The following PARP8 variants were observed in gnomAD, a reference collection of about 807,000 sequenced individuals.
PARP8 encodes the protein protein mono-ADP-ribosyltransferase PARP8.
PARP8 carries 51 observed loss-of-function variants against 124.1 expected under a neutral mutation model. The ratio of observed to expected loss-of-function variants is 0.41; its 90% CI spans 0.33 to 0.52. PARP8 has a LOEUF of 0.52. Among genes scored for constraint, PARP8 ranks in the 20% least tolerant of loss-of-function variants. The pLI is 0.21. For synonymous variants in PARP8, 391 were observed against 361.5 expected (o/e 1.08, Z -0.93); for missense variants, 860 against 1,018.9 (o/e 0.84, Z 2.12).
chr5:50,780,423 C>T (rs1397289355), intron 9 of PARP8, among the ~76,000 whole-genome samples: 3 of 152,184 alleles, frequency 2.0e-5, no homozygotes, highest in African/African-American at 4.8e-5. Context: ...CTCACCCAAA[C>T]CCCATCTGTA....
chr5:50,669,303 A>G (rs1192163142), intron 2 of PARP8: 2 of 152,250 alleles, frequency 1.3e-5, no homozygotes, highest in African/African-American at 4.8e-5. Context: ...TAATAATTCA[A>G]TGAGAGGAGA....
At chr5:50,791,064 C>G (rs1435799881) in intron 10 of PARP8, among the ~76,000 whole-genome samples, 1 of 151,946 alleles carries the variant, frequency 6.6e-6, no homozygotes, top group Non-Finnish European at 1.5e-5. Context: ...AAACATACAG[C>G]AAGTTAGGAA....
At position 50,845,740 on chromosome 5, in the gene PARP8, A is replaced by G. The variant is rs931074917; in HGVS notation, c.*3672A>G. On this transcript the variant is annotated 3_prime_UTR_variant, in exon 26 of 26. Coordinates refer to ENST00000281631, the MANE Select transcript of PARP8 (RefSeq NM_024615.4). Reference sequence around the variant, plus strand: ...AATTAATTAGTCTATTTTGAGATTGATTTTCTACGTGGGCCAATTTTATGT... The same window carrying G: ...AATTAATTAGTCTATTTTGAGATTGGTTTTCTACGTGGGCCAATTTTATGT... 5.9e-5 allele frequency: 9 copies of G among 151,638 alleles called. No homozygotes were observed. 9.4% of individuals were successfully genotyped at this position (151,638 alleles called of 1,614,324 possible). A position where few individuals can be genotyped will look rare whatever the true frequency, so the allele number is the denominator to read the frequency against.
At chr5:50,830,571 T>C (rs1746841926) in intron 22 of PARP8, among the ~76,000 whole-genome samples, 1 of 152,216 alleles carries the variant, frequency 6.6e-6, no homozygotes, top group Non-Finnish European at 1.5e-5. Context: ...TTCTTTGCAC[T>C]TAAAAAATTT....
Position 50,778,146 on chromosome 5 carries a change from T to G in PARP8, c.579+17T>G. ...TTTCTTGATGTAAGTATCAATTTTA[T>G]GTAATATGAATGGTGCATTTAAAAT... On this transcript the variant is annotated intron_variant, in intron 8 of 25. Transcript: ENST00000281631. The G allele has an allele frequency of 6.5e-7, 1 of 1,532,560 alleles. No individual in the cohort carries two copies. Among genetic ancestry groups the G allele is most frequent in the Non-Finnish European group, 9.0e-7 (1 of 1,114,020 alleles). The allele number at this position is 1,532,560 out of a possible 1,614,324, so 94.9% of individuals were successfully genotyped here.
At chr5:50,763,944 T>A (rs896266138) in intron 7 of PARP8, among the ~76,000 whole-genome samples, 1 of 152,188 alleles carries the variant, frequency 6.6e-6, no homozygotes, top group Non-Finnish European at 1.5e-5. Flanking sequence ...GTCTGGCCCC[T>A]TTATGCTCCC....
intron 1 of PARP8, 97 bp downstream of exon 1, chr5:50,667,283 G>C (rs1749401130): frequency 7.8e-7 from 1 of 1,282,278 alleles, no homozygotes; most frequent in Non-Finnish European, 1.1e-6. Flanking sequence ...AGGGTTGCAC[G>C]TCCCCATTCT....
chr5:50,687,015 A>C (rs994874184), intron 2 of PARP8, among the ~76,000 whole-genome samples: 10 of 152,194 alleles, frequency 6.6e-5, no homozygotes, highest in African/African-American at 2.4e-4. Flanking sequence ...CTAGTTACTT[A>C]TGCAAATTTC....
chr5:50,834,927 A>T lies in PARP8; in HGVS notation c.2378-4A>T, dbSNP rs1472525998. 1.9e-6 allele frequency: 3 copies of T among 1,611,476 alleles called. No individual in the cohort carries two copies. In the South Asian group the frequency reaches 3.3e-5, roughly 18 times the overall value. ...GTTCTTTAATTTTATTTTCCACTTA[A>T]CAGTGATCACCTCATCTGACCTGCA... On this transcript the variant is annotated splice_polypyrimidine_tract_variant and splice_region_variant and intron_variant, in intron 24 of 25. Coordinates refer to ENST00000281631, the MANE Select transcript of PARP8 (RefSeq NM_024615.4).
At chr5:50,726,234 G>A (rs754946829) in intron 2 of PARP8, among the ~76,000 whole-genome samples, 7 of 151,938 alleles carry the variant, frequency 4.6e-5, no homozygotes, top group Non-Finnish European at 8.8e-5. Flanking sequence ...AAACTTGGGA[G>A]TCTGTTTCCT....
chr5:50,679,996 G>C (rs762940911), intron 2 of PARP8, among the ~76,000 whole-genome samples: 1 of 152,108 alleles, frequency 6.6e-6, no homozygotes, highest in African/African-American at 2.4e-5. Context: ...TAGAGAAGCC[G>C]TTAGAAAAAG....
chr5:50,705,662 G>C (rs746250362), intron 2 of PARP8, among the ~76,000 whole-genome samples: 41 of 152,054 alleles, frequency 2.7e-4, no homozygotes, highest in Non-Finnish European at 5.0e-4. Flanking sequence ...GCGTGCGCCT[G>C]TAATCCCAGC....
chr5:50,833,699 T>C (rs1422615400), intron 23 of PARP8, among the ~76,000 whole-genome samples: 1 of 152,188 alleles, frequency 6.6e-6, no homozygotes, highest in Non-Finnish European at 1.5e-5. Context: ...AAGCTTTTAG[T>C]AAAAATAAAT....
At position 50,843,277 on chromosome 5, in the gene PARP8, T is replaced by C. The variant is rs1326738926; in HGVS notation, c.*1209T>C. 6.6e-6 allele frequency: 1 copy of C among 151,776 alleles called. No homozygotes were observed. The highest frequency in any genetic ancestry group is 2.4e-5 in the African/African-American group (1 of 41,386). The allele number at this position is 151,776 out of a possible 1,614,324, so 9.4% of individuals were successfully genotyped here. ...ACAGTGTTTATTTTCCCACATGTTGTCTTTGGAATAAGGCCATTCATGAAA... is the reference window on the plus strand; with the variant it reads ...ACAGTGTTTATTTTCCCACATGTTGCCTTTGGAATAAGGCCATTCATGAAA... On this transcript the variant is annotated 3_prime_UTR_variant, in exon 26 of 26. Coordinates refer to ENST00000281631, the MANE Select transcript of PARP8 (RefSeq NM_024615.4).
chr5:50,831,383 G>C (rs1454484789), intron 22 of PARP8, among the ~76,000 whole-genome samples: 1 of 152,036 alleles, frequency 6.6e-6, no homozygotes, highest in Non-Finnish European at 1.5e-5. Flanking sequence ...GGCTGCGCTG[G>C]CAGGCCTGAG....
chr5:50,778,961 A>T (rs924414423), intron 9 of PARP8, among the ~76,000 whole-genome samples: 1 of 152,164 alleles, frequency 6.6e-6, no homozygotes, highest in African/African-American at 2.4e-5. Flanking sequence ...GGTTTTCCTT[A>T]GATATAATTA....
At chr5:50,667,344 G>C (rs1346490172) in intron 1 of PARP8, among the ~76,000 whole-genome samples, 158 bp downstream of exon 1, 7 of 152,176 alleles carry the variant, frequency 4.6e-5, no homozygotes, top group Admixed American at 1.3e-4. Flanking sequence ...CCAAAAGGGG[G>C]AGGGGGCGCC....
intron 11 of PARP8, 151 bp downstream of exon 11, chr5:50,794,483 CAT>C: frequency 3.5e-6 from 3 of 859,350 alleles, no homozygotes; most frequent in Non-Finnish European, 5.2e-6. Context: ...CCATCAAAAA[CAT>C]ATTCATTTCT....
rs567081314 is a variant in PARP8, at chr5:50,684,103, GAACAGTTTTGACT to G, written c.146+15984_146+15996del. 8.5e-3 allele frequency among the ~76,000 whole-genome samples: 1,301 copies of G among 152,206 alleles called. 19 individuals carry two copies. The highest frequency in any genetic ancestry group is 0.03 in the African/African-American group (1,244 of 41,528). On this transcript the variant is annotated intron_variant, in intron 2 of 25. Transcript: ENST00000281631. Reference sequence around the variant, plus strand: ...GGATTTTATTAAATAATATTTGAATGAACAGTTTTGACTAACAGCCTGAAAATATTAATCTTTC... The same window carrying G: ...GGATTTTATTAAATAATATTTGAATGAACAGCCTGAAAATATTAATCTTTC...
Sources: gnomAD v4.1 joint callset for allele counts (sites outside exome capture counted in the v4.1 genomes callset) on GRCh38, gnomAD v4.1.1 for gene constraint, MANE v1.5 for transcripts, NCBI Gene and HGNC (gene_info 2026-07-23, HGNC 2026-07-21) for gene names.